Variants in BBS2 observed in about 807,000 individuals in gnomAD.
BBS2 encodes the protein Bardet-Biedl syndrome 2, also known as BBSome complex member BBS2.
A neutral mutation model predicts 83.0 loss-of-function variants in BBS2; 62 were observed. That is an observed-to-expected ratio of 0.75 (90% CI 0.61 to 0.92). The LOEUF is 0.92. Ranked by LOEUF, BBS2 falls within the 40% of genes least tolerant of loss-of-function variation. The pLI, the probability that BBS2 is intolerant of heterozygous loss-of-function variation, is 0.00. For missense variants in BBS2, 784 were observed against 901.0 expected (o/e 0.87, Z 1.66); for synonymous variants, 303 against 326.1 (o/e 0.93, Z 0.76).
In BBS2 at chr16:56,511,245, C is replaced by A. The variant is rs1249764192; in HGVS notation, c.385G>T (p.Gly129Ter). Residue 129 changes from glycine (G) to a stop codon, truncating the protein, a stop_gained, in exon 3 of 17, where the codon GGA (glycine) becomes TGA (stop). Transcript: ENST00000245157. LOFTEE classifies it high-confidence loss of function. ...GANAIVLGTL[G>*]DISSPLAIIG... ...ATCGCAAGAGGGGAAGAAATGTCTCCCAATGTCCCCAGCACAATTGCATTT... is the reference window on the plus strand; with the variant it reads ...ATCGCAAGAGGGGAAGAAATGTCTCACAATGTCCCCAGCACAATTGCATTT... The A allele has an allele frequency of 2.5e-6, 4 of 1,614,058 alleles. No individual in the cohort carries two copies. Among genetic ancestry groups the A allele is most frequent in the Non-Finnish European group, 3.4e-6 (4 of 1,179,986 alleles).
At chr16:56,517,485 A>T (rs911578634) in intron 1 of BBS2, among the ~76,000 whole-genome samples, 10 of 152,164 alleles carry the variant, frequency 6.6e-5, no homozygotes, top group African/African-American at 2.2e-4. Context: ...AGTTCCTTCA[A>T]ACCTCTTATC....
Position 56,502,673 on chromosome 16 carries a change from T to C in BBS2, c.940A>G (p.Ile314Val). 1.2e-6 allele frequency: 2 copies of C among 1,614,150 alleles called. No individual in the cohort carries two copies. Among genetic ancestry groups the C allele is most frequent in the East Asian group, 2.2e-5 (1 of 44,882 alleles). ...QLICCSVDGE[I>V]RGYLPGTAEM... The stretch of plus-strand genomic sequence containing the variant: ...AAGGATTTTTCTCATCCCAATTTAC[T>C]TTCCCCATCCACTGAGCAGCAGATT... Residue 314 changes from isoleucine (I) to valine (V), a missense_variant and splice_region_variant, in exon 8 of 17, where the codon ATC (isoleucine) becomes GTC (valine). Transcript: ENST00000245157.
chr16:56,514,214 TCA>T (rs1964664230), intron 2 of BBS2, among the ~76,000 whole-genome samples: 1 of 152,326 alleles, frequency 6.6e-6, no homozygotes, highest in South Asian at 2.1e-4. Context: ...GATGGCAGTA[TCA>T]CAGATATACC....
intron 15 of BBS2, among the ~76,000 whole-genome samples, chr16:56,488,662 C>T (rs1007350443): frequency 6.6e-6 from 1 of 152,136 alleles, no homozygotes; most frequent in Non-Finnish European, 1.5e-5. Flanking sequence ...ATTATTTGGG[C>T]ATGACTGACT....
chr16:56,482,400 CTG>C (rs1325108360), downstream of BBS2, among the ~76,000 whole-genome samples: 1 of 152,100 alleles, frequency 6.6e-6, no homozygotes, highest in Non-Finnish European at 1.5e-5. Context: ...GAGTCTCCCT[CTG>C]TCACCCAGGC....
intron 11 of BBS2, 103 bp from the exon 12 acceptor site, chr16:56,500,010 T>A: frequency 7.0e-7 from 1 of 1,425,722 alleles, no homozygotes; most frequent in Non-Finnish European, 9.9e-7. Flanking sequence ...TCAATTGATA[T>A]TTAAGGGTTT....
intron 11 of BBS2, 147 bp from the exon 12 acceptor site, chr16:56,500,054 T>C: frequency 2.3e-6 from 2 of 863,662 alleles, no homozygotes; most frequent in Non-Finnish European, 3.8e-6. Flanking sequence ...CACTTGAGGG[T>C]TAAAGTACTA....
At chr16:56,495,042 G>C (rs1459386342) in intron 15 of BBS2, among the ~76,000 whole-genome samples, 1 of 151,410 alleles carries the variant, frequency 6.6e-6, no homozygotes, top group Admixed American at 6.6e-5. Flanking sequence ...TCAAATACAT[G>C]AGTATGTAAG....
Position 56,502,825 on chromosome 16 carries a change from A to T in BBS2, c.805-17T>A. On this transcript the variant is annotated splice_polypyrimidine_tract_variant and intron_variant, in intron 7 of 16. Transcript: ENST00000245157. ...AGCATCAACCTACAAATAAAACACA[A>T]ATTTAAAAGTTGCTTATGCTACATG... 6.2e-7 allele frequency: 1 copy of T among 1,614,096 alleles called. No homozygotes were observed. Among genetic ancestry groups the T allele is most frequent in the Non-Finnish European group, 8.5e-7 (1 of 1,180,002 alleles).
rs61745416 is a variant in BBS2 at position 56,476,160 on chromosome 16, A to C, written c.*1-5465T>G. ...GCCTGGAACAAAAGAAAACCTTCCC[A>C]AACAGAACAGGTTTCTGGGACTTTT... On this transcript the variant is annotated intron_variant, in intron 17 of 17. Transcript: ENST00000682047. 17,844 of 1,613,410 alleles carry C rather than the reference A, an allele frequency of 0.011. 130 individuals are homozygous for C. The highest frequency in any genetic ancestry group is 0.018 in the Middle Eastern group (98 of 5,530).
chr16:56,480,352 C>CAAAAAAAAAAA (rs1286219655), downstream of BBS2, among the ~76,000 whole-genome samples: 54 of 76,488 alleles, frequency 7.1e-4, no homozygotes, highest in African/African-American at 2.4e-3. Context: ...CACACACACA[C>CAAAAAAAAAAA]AAAAAAAAAA....
intron 7 of BBS2, 114 bp downstream of exon 7, chr16:56,505,836 C>T (rs1190838250): frequency 1.4e-5 from 11 of 803,870 alleles, no homozygotes; most frequent in South Asian, 2.8e-5. Context: ...AAAAACATTG[C>T]CAAGGAACGA....
exon 18 of BBS2, chr16:56,470,619 G>A (rs367724006): frequency 2.8e-5 from 45 of 1,613,954 alleles, no homozygotes; most frequent in Non-Finnish European, 3.4e-5. Flanking sequence ...TGGCCCCTTC[G>A]GAAGAAGATG....
intron 17 of BBS2, among the ~76,000 whole-genome samples, chr16:56,472,613 C>A (rs374184235): frequency 6.6e-6 from 1 of 151,864 alleles, no homozygotes; most frequent in African/African-American, 2.4e-5. Flanking sequence ...AATAAAAATA[C>A]GTCAATTTCA....
At chr16:56,512,399 T>TA (rs1964604134) in intron 2 of BBS2, among the ~76,000 whole-genome samples, 1 of 152,158 alleles carries the variant, frequency 6.6e-6, no homozygotes, top group African/African-American at 2.4e-5. Context: ...AAAGTCTTAT[T>TA]AAAAACAAGT....
At chr16:56,489,795 C>T (rs1471192738) in intron 15 of BBS2, among the ~76,000 whole-genome samples, 7 of 145,724 alleles carry the variant, frequency 4.8e-5, no homozygotes, top group African/African-American at 1.8e-4. Flanking sequence ...AGCGAAACTC[C>T]ATCTCAAAGA....
intron 17 of BBS2, among the ~76,000 whole-genome samples, chr16:56,474,181 CTACTT>C (rs1350256510): frequency 6.6e-6 from 1 of 151,920 alleles, no homozygotes; most frequent in African/African-American, 2.4e-5. Flanking sequence ...TTCCTCGTTT[CTACTT>C]TAGGTAATAA....
Position 56,497,825 on chromosome 16 carries a change from G to A in BBS2, c.1715C>T (p.Ala572Val). 13 of 1,612,760 alleles carry A rather than the reference G, an allele frequency of 8.1e-6. No homozygotes were observed. Among genetic ancestry groups the A allele is most frequent in the Non-Finnish European group, 1.1e-5 (13 of 1,179,790 alleles). The change falls in exon 14 of 17, where the codon GCA becomes GTA. Residue 572 changes from alanine to valine, a missense_variant. Transcript: ENST00000245157. The part of the protein sequence containing the change: ...DLAGDIIQSM[A>V]SFFAIEDLQV... ...AAGGTCTTCAATAGCAAAAAATGATGCCATTGACTGGATGATATCACCAGC... is the reference window on the plus strand; with the variant it reads ...AAGGTCTTCAATAGCAAAAAATGATACCATTGACTGGATGATATCACCAGC...
chr16:56,516,639 CCT>C (rs1301276370), intron 1 of BBS2, among the ~76,000 whole-genome samples: 1 of 152,048 alleles, frequency 6.6e-6, no homozygotes, highest in East Asian at 1.9e-4. Flanking sequence ...TTGATCTGCC[CCT>C]CTCAGCCTCC....
Sources: allele counts gnomAD v4.1 joint callset (sites outside exome capture counted in the v4.1 genomes callset), GRCh38; gene constraint gnomAD v4.1.1; transcripts MANE v1.5; gene names NCBI Gene and HGNC (gene_info 2026-07-23, HGNC 2026-07-21).